Variants in RGPD2 observed in about 807,000 individuals in gnomAD.
RGPD2 encodes the protein RANBP2-like and GRIP domain-containing protein 2.
Under a neutral mutation model 36.0 loss-of-function variants are expected in RGPD2, and 2 were observed. The ratio of observed to expected loss-of-function variants is 0.06; its 90% CI spans 0.02 to 0.17. The LOEUF (loss-of-function observed/expected upper bound fraction) is 0.17, where lower values mean the gene tolerates loss of function less well. Among genes scored for constraint, RGPD2 ranks in the 10% least tolerant of loss-of-function variants. RGPD2 has a pLI of 1.00. For synonymous variants in RGPD2, 19 were observed against 163.8 expected (o/e 0.12, Z 6.75); for missense variants, 40 against 464.3 (o/e 0.09, Z 8.40).
At chr2:87,978,837 G>C in the RGPD2 span, among the ~76,000 whole-genome samples, 1 of 143,594 alleles carries the variant, frequency 7.0e-6, no homozygotes, top group Admixed American at 7.0e-5. Context: ...AGGATGGCTT[G>C]AGCCTATGAG....
the RGPD2 span, among the ~76,000 whole-genome samples, chr2:87,905,718 CAG>C: frequency 7.1e-6 from 1 of 140,886 alleles, no homozygotes; most frequent in Non-Finnish European, 1.5e-5. Flanking sequence ...CATATATACA[CAG>C]ATTATATTTA....
chr2:87,860,761 T>C, the RGPD2 span, among the ~76,000 whole-genome samples: 1 of 152,214 alleles, frequency 6.6e-6, no homozygotes, highest in African/African-American at 2.4e-5. Flanking sequence ...CATAGACACA[T>C]CCGTGCATGT....
At chr2:87,978,376 C>A in the RGPD2 span, among the ~76,000 whole-genome samples, 1 of 62,586 alleles carries the variant, frequency 1.6e-5, no homozygotes, top group Non-Finnish European at 3.2e-5. Context: ...CATCCTCCAA[C>A]CTCAGCCTCC....
the RGPD2 span, among the ~76,000 whole-genome samples, chr2:87,857,099 C>T: frequency 6.6e-6 from 1 of 152,226 alleles, no homozygotes; most frequent in Admixed American, 6.5e-5. Context: ...AAGGCCAAAA[C>T]AGAAGAATGT....
At position 87,756,448 on chromosome 2, in the gene RGPD2, C is replaced by G; in HGVS notation, c.*944G>C. 4.2e-6 allele frequency: 1 copy of G among 235,942 alleles called. No individual in the cohort carries two copies. The allele number at this position is 235,942 out of a possible 1,614,324, so 14.6% of individuals were successfully genotyped here. On this transcript the variant is annotated 3_prime_UTR_variant, in exon 23 of 23. Transcript: ENST00000398146. ...GTCTCATCATGTATGTAACATGTAT[C>G]CATGTATCATCATTAAGTGATCTCA...
At chr2:87,858,227 A>G in the RGPD2 span, among the ~76,000 whole-genome samples, 15 of 151,836 alleles carry the variant, frequency 9.9e-5, no homozygotes, top group African/African-American at 2.9e-4. Context: ...GCAGTGAGCC[A>G]AGATTGCGCC....
At chr2:87,888,338 G>A in the RGPD2 span, among the ~76,000 whole-genome samples, 1 of 151,010 alleles carries the variant, frequency 6.6e-6, no homozygotes, top group East Asian at 1.9e-4. Flanking sequence ...ATCATTATTT[G>A]TTAATTTTCA....
the RGPD2 span, among the ~76,000 whole-genome samples, chr2:87,857,487 C>T: frequency 5.6e-4 from 84 of 149,930 alleles, no homozygotes; most frequent in Middle Eastern, 3.4e-3. Context: ...GGACTACAGG[C>T]GCCCGCCTCC....
the RGPD2 span, among the ~76,000 whole-genome samples, chr2:87,866,267 A>G: frequency 2.0e-5 from 3 of 151,852 alleles, no homozygotes; most frequent in Non-Finnish European, 1.5e-5. Flanking sequence ...ATTTTATCTA[A>G]ATTTGTATAT....
the RGPD2 span, among the ~76,000 whole-genome samples, chr2:87,888,544 A>T: frequency 1.1e-5 from 1 of 88,098 alleles, no homozygotes; most frequent in Non-Finnish European, 2.3e-5. Context: ...TGAAGAACAA[A>T]TCGGGGCATG....
At chr2:87,961,324 AC>A in the RGPD2 span, among the ~76,000 whole-genome samples, 1 of 152,162 alleles carries the variant, frequency 6.6e-6, no homozygotes, top group Non-Finnish European at 1.5e-5. Flanking sequence ...GCACTTGTGT[AC>A]TGCGTCAGCA....
At chr2:87,962,273 T>C in the RGPD2 span, among the ~76,000 whole-genome samples, 6 of 152,212 alleles carry the variant, frequency 3.9e-5, no homozygotes, top group African/African-American at 1.4e-4. Flanking sequence ...CACATTTGTG[T>C]AAACATTACA....
the RGPD2 span, among the ~76,000 whole-genome samples, chr2:87,920,968 T>C: frequency 6.9e-6 from 1 of 145,358 alleles, no homozygotes; most frequent in Admixed American, 6.9e-5. Context: ...TATGAAAACA[T>C]CTTGTGTGTA....
chr2:87,966,263 A>G, the RGPD2 span, among the ~76,000 whole-genome samples: 47 of 151,960 alleles, frequency 3.1e-4, no homozygotes, highest in South Asian at 1.3e-3. Context: ...TGGCACAAAA[A>G]ATTATTTTGC....
chr2:87,944,773 TTTA>T, the RGPD2 span, among the ~76,000 whole-genome samples: 5 of 125,864 alleles, frequency 4.0e-5, no homozygotes, highest in Non-Finnish European at 7.8e-5. Context: ...ATGTAATTGG[TTTA>T]TTATTATATT....
chr2:87,937,053 A>G, the RGPD2 span, among the ~76,000 whole-genome samples: 1 of 151,834 alleles, frequency 6.6e-6, no homozygotes, highest in Non-Finnish European at 1.5e-5. Context: ...TCAGAAAATT[A>G]ATAGTGGAGA....
the RGPD2 span, among the ~76,000 whole-genome samples, chr2:87,854,852 C>T: frequency 2.0e-5 from 3 of 152,166 alleles, no homozygotes; most frequent in African/African-American, 7.2e-5. Flanking sequence ...GCAGTTATTT[C>T]CCAGCTTTAT....
the RGPD2 span, among the ~76,000 whole-genome samples, chr2:87,986,765 A>G: frequency 6.6e-6 from 1 of 151,392 alleles, no homozygotes; most frequent in African/African-American, 2.4e-5. Context: ...CTGTAATCCC[A>G]GCTACTCAGG....
At chr2:87,923,225 A>C in the RGPD2 span, among the ~76,000 whole-genome samples, 2 of 152,164 alleles carry the variant, frequency 1.3e-5, no homozygotes, top group African/African-American at 4.8e-5. Flanking sequence ...ATGTGACAGC[A>C]TTCATAGGGA....
Sources: allele counts gnomAD v4.1 joint callset (sites outside exome capture counted in the v4.1 genomes callset), GRCh38; gene constraint gnomAD v4.1.1; transcripts MANE v1.5; gene names NCBI Gene and HGNC (gene_info 2026-07-23, HGNC 2026-07-21).